PHF7: variants seen among roughly 807,000 people sequenced by gnomAD.
PHF7 encodes PHD finger protein 7.
In PHF7, 24 loss-of-function variants were observed where a neutral mutation model predicts 47.5. The ratio of observed to expected loss-of-function variants is 0.51; its 90% confidence interval spans 0.37 to 0.71. The LOEUF is 0.71. Ranked by LOEUF, PHF7 falls within the 30% of genes least tolerant of loss-of-function variation. The probability of loss-of-function intolerance (pLI) is 0.00; values close to 1 mark genes in which losing one functional copy is unlikely to be tolerated. For synonymous variants in PHF7, 156 were observed against 153.8 expected (o/e 1.01, Z -0.11); for missense variants, 361 against 456.8 (o/e 0.79, Z 1.91).
chr3:52,412,357 G>T (rs1208692037), intron 1 of PHF7, among the ~76,000 whole-genome samples: 1 of 152,214 alleles, frequency 6.6e-6, no homozygotes, highest in Admixed American at 6.5e-5. Flanking sequence ...GTAGAATTAA[G>T]GCACCCATAC....
chr3:52,414,482 G>A lies in PHF7; in HGVS notation c.95-14G>A, dbSNP rs377283125. On this transcript the variant is annotated splice_polypyrimidine_tract_variant and intron_variant, in intron 3 of 10. Coordinates refer to ENST00000327906, the MANE Select transcript of PHF7 (RefSeq NM_016483.7). Reference sequence around the variant, plus strand: ...GGTCAATTTGAGCCAAATTCTGGGTGTCCTCTCTTCCAGTTTGCTGGCTAT... The same window carrying A: ...GGTCAATTTGAGCCAAATTCTGGGTATCCTCTCTTCCAGTTTGCTGGCTAT... 3.7e-5 allele frequency: 56 copies of A among 1,530,548 alleles called. No homozygotes were observed. In the African/African-American group the frequency reaches 5.5e-4, roughly 15 times the overall value. The allele number at this position is 1,530,548 out of a possible 1,614,324, so 94.8% of individuals were successfully genotyped here.
intron 7 of PHF7, 32 bp from the exon 8 acceptor site, chr3:52,421,615 CA>C (rs1349124046): frequency 1.6e-6 from 2 of 1,271,008 alleles, no homozygotes; most frequent in African/African-American, 2.9e-5. Flanking sequence ...AGGGTTTTTA[CA>C]AACACAGAGC....
At chr3:52,414,619 C>T in intron 4 of PHF7, 32 bp downstream of exon 4, 2 of 1,290,774 alleles carry the variant, frequency 1.5e-6, no homozygotes, top group Non-Finnish European at 2.2e-6. Context: ...CTTTGAATAT[C>T]CTATGGCTTT....
chr3:52,421,757 A>G lies in PHF7; in HGVS notation c.680+3A>G. ...ATGGGAATTCATATTCCAGACAGGTAGTGGGAACCCCAAAGCAGGAACTGA... is the reference window on the plus strand; with the variant it reads ...ATGGGAATTCATATTCCAGACAGGTGGTGGGAACCCCAAAGCAGGAACTGA... On this transcript the variant is annotated splice_donor_region_variant and intron_variant, in intron 8 of 10. Transcript: ENST00000327906. 1 of 1,509,798 alleles carries G rather than the reference A, an allele frequency of 6.6e-7. No homozygotes were observed. Among genetic ancestry groups the G allele is most frequent in the Non-Finnish European group, 9.2e-7 (1 of 1,084,832 alleles). The allele number at this position is 1,509,798 out of a possible 1,614,324, so 93.5% of individuals were successfully genotyped here. A position where few individuals can be genotyped will look rare whatever the true frequency, so the allele number is the denominator to read the frequency against.
At chr3:52,414,284 G>A (rs750903529) in intron 3 of PHF7, among the ~76,000 whole-genome samples, 2 of 152,186 alleles carry the variant, frequency 1.3e-5, no homozygotes, top group Non-Finnish European at 2.9e-5. Context: ...AATGAAGTGA[G>A]CAGTTGTGGC....
chr3:52,416,027 A>G (rs13094687), intron 4 of PHF7, among the ~76,000 whole-genome samples: 38,940 of 152,184 alleles, frequency 0.26, 6,178 homozygotes, highest in East Asian at 0.38. Flanking sequence ...CCAGTTGCAC[A>G]GTATTCTTGC....
At chr3:52,420,163 G>T (rs1705742877) in intron 5 of PHF7, 148 bp from the exon 6 acceptor site, 1 of 919,698 alleles carries the variant, frequency 1.1e-6, no homozygotes, top group East Asian at 2.4e-5. Flanking sequence ...TTGAAGCTCA[G>T]CTTCCGGGTG....
chr3:52,414,157 C>T (rs371292768), intron 3 of PHF7, 109 bp downstream of exon 3: 40 of 733,256 alleles, frequency 5.5e-5, no homozygotes, highest in African/African-American at 5.0e-4. Flanking sequence ...AGCCCTACTT[C>T]CTTCCTAGAT....
intron 8 of PHF7, 49 bp downstream of exon 8, chr3:52,421,803 G>T (rs375846453): frequency 2.1e-6 from 2 of 940,686 alleles, no homozygotes; most frequent in Non-Finnish European, 3.5e-6. Flanking sequence ...GGGTTGCCTA[G>T]ATTTCTAGAG....
At chr3:52,420,613 G>A (rs1705757450) in intron 6 of PHF7, among the ~76,000 whole-genome samples, 178 bp downstream of exon 6, 1 of 152,172 alleles carries the variant, frequency 6.6e-6, no homozygotes, top group Non-Finnish European at 1.5e-5. Flanking sequence ...GGTTCTTCTT[G>A]CTTCCTGACC....
In PHF7 at chr3:52,414,526, A is replaced by G; in HGVS notation, c.125A>G (p.Asp42Gly). 1.2e-6 allele frequency: 2 copies of G among 1,612,952 alleles called. No homozygotes were observed. The highest frequency in any genetic ancestry group is 1.7e-6 in the Non-Finnish European group (2 of 1,179,298). Residue 42 changes from aspartate (D) to glycine (G), a missense_variant, in exon 4 of 11, where the codon GAT becomes GGT. Physicochemically the swap from Asp to Gly is moderately conservative, Grantham distance 94. Coordinates refer to ENST00000327906, the MANE Select transcript of PHF7 (RefSeq NM_016483.7). ...TGGCTATGCCTTCGAGAACCTGGGG[A>G]TCCCGAAAAATTAGGGGAATTTCTT... ...VCWLCLREPGDPEKLGEFLQK... is the reference protein window; with the variant it reads ...VCWLCLREPGGPEKLGEFLQK...
chr3:52,414,332 A>G (rs570228025), intron 3 of PHF7, among the ~76,000 whole-genome samples, 164 bp from the exon 4 acceptor site: 3 of 152,336 alleles, frequency 2.0e-5, no homozygotes, highest in Admixed American at 2.0e-4. Context: ...GTGACAGACT[A>G]ATTGATACCA....
intron 4 of PHF7, among the ~76,000 whole-genome samples, chr3:52,416,294 T>C (rs1705622631): frequency 6.6e-6 from 1 of 151,144 alleles, no homozygotes; most frequent in Non-Finnish European, 1.5e-5. Context: ...GGAGCAATTC[T>C]CCTGCATCAG....
At chr3:52,413,854 A>G in intron 2 of PHF7, 142 bp from the exon 3 acceptor site, 1 of 641,094 alleles carries the variant, frequency 1.6e-6, no homozygotes, top group Admixed American at 2.6e-5. Context: ...TATATGTGAA[A>G]TATGAAAAGA....
At chr3:52,418,808 ATT>A (rs201244101) in intron 4 of PHF7, among the ~76,000 whole-genome samples, 5 of 141,496 alleles carry the variant, frequency 3.5e-5, no homozygotes, top group South Asian at 2.3e-4. Context: ...CATTACAGGA[ATT>A]TTTTTTTTTT....
Position 52,419,876 on chromosome 3 carries a change from G to T in PHF7, c.230G>T (p.Gly77Val). 2 of 1,610,624 alleles carry T rather than the reference G, an allele frequency of 1.2e-6. No homozygotes were observed. Among genetic ancestry groups the T allele is most frequent in the Admixed American group, 1.7e-5 (1 of 59,778 alleles). ...CCTCAGAGGGGCCAGTCCAACAGAG[G>T]CTTCCATGGATTTCTGCCTGAAGAC... The part of the protein sequence containing the change: ...KLPQRGQSNR[G>V]FHGFLPEDIK... Residue 77 changes from glycine to valine, a missense_variant, in exon 5 of 11, where the codon GGC becomes GTC. Physicochemically the swap from Gly to Val is moderately radical, Grantham distance 109 (BLOSUM62 -3). Coordinates refer to ENST00000327906, the MANE Select transcript of PHF7 (RefSeq NM_016483.7).
Position 52,421,582 on chromosome 3 carries a change from G to A in PHF7, c.574-66G>A, listed in dbSNP as rs1289551228. 7.8e-6 allele frequency: 7 copies of A among 893,600 alleles called. No individual in the cohort carries two copies. The South Asian group carries it at 9.3e-5, about 12-fold the overall frequency. The allele number at this position is 893,600 out of a possible 1,614,324, so 55.4% of individuals were successfully genotyped here. ...ACATCCTCTTTGTAGGGGTGAGGGT[G>A]GGAGGAGAAAGAAGGTAGTCAAAGG... On this transcript the variant is annotated intron_variant, in intron 7 of 10. Transcript: ENST00000327906.
At position 52,412,835 on chromosome 3, in the gene PHF7, C is replaced by G. The variant is rs773123843; in HGVS notation, c.-45C>G. The G allele has an allele frequency of 2.0e-6, 3 of 1,479,928 alleles. No individual in the cohort carries two copies. The highest frequency in any genetic ancestry group is 2.8e-6 in the Non-Finnish European group (3 of 1,060,822). 91.7% of individuals were successfully genotyped at this position (1,479,928 alleles called of 1,614,324 possible). A position where few individuals can be genotyped will look rare whatever the true frequency, so the allele number is the denominator to read the frequency against. On this transcript the variant is annotated 5_prime_UTR_variant, in exon 2 of 11. Coordinates refer to ENST00000327906, the MANE Select transcript of PHF7 (RefSeq NM_016483.7). ...GCTGGAAGAGCCTGTATTGTCCTCA[C>G]AATAGTATAGAAGAATTCAAGAGAG...
chr3:52,416,908 T>G (rs1374800910), intron 4 of PHF7, among the ~76,000 whole-genome samples: 7 of 152,214 alleles, frequency 4.6e-5, no homozygotes, highest in African/African-American at 1.7e-4. Context: ...ATACAAATTC[T>G]TTTTCAAATA....
Sources: gnomAD v4.1 joint callset for allele counts (sites outside exome capture counted in the v4.1 genomes callset) on GRCh38, gnomAD v4.1.1 for gene constraint, MANE v1.5 for transcripts, NCBI Gene and HGNC (gene_info 2026-07-23, HGNC 2026-07-21) for gene names.